Variants in RTN1 observed in about 807,000 individuals in gnomAD.
RTN1 encodes reticulon-1.
In RTN1, 25 loss-of-function variants were observed where a neutral mutation model predicts 65.5. That is an observed-to-expected ratio of 0.38 (90% CI 0.28 to 0.53). The LOEUF (loss-of-function observed/expected upper bound fraction) is 0.53. Among genes scored for constraint, RTN1 ranks in the 20% least tolerant of loss-of-function variants. The pLI is 0.79. For missense variants in RTN1, 983 were observed against 1,025.4 expected, an observed-to-expected ratio of 0.96 and a Z score of 0.57; for synonymous variants, 471 against 447.6, an observed-to-expected ratio of 1.05 and a Z score of -0.66.
intron 3 of RTN1, among the ~76,000 whole-genome samples, chr14:59,666,561 G>A (rs900019525): frequency 2.6e-5 from 4 of 151,980 alleles, no homozygotes; most frequent in Admixed American, 6.6e-5. Context: ...AAATTCAAAA[G>A]CTAGCAGAAG....
intron 1 of RTN1, among the ~76,000 whole-genome samples, chr14:59,865,079 G>C (rs1043659189): frequency 3.3e-5 from 5 of 152,088 alleles, no homozygotes; most frequent in South Asian, 2.1e-4. Context: ...CTGAAAAAGA[G>C]GGAAATAATG....
At chr14:59,676,539 T>C (rs948549092) in intron 3 of RTN1, among the ~76,000 whole-genome samples, 2 of 152,224 alleles carry the variant, frequency 1.3e-5, no homozygotes, top group East Asian at 3.9e-4. Flanking sequence ...ACCTAATCGA[T>C]GATTGGAAAA....
chr14:59,741,591 G>T (rs1885118137), intron 2 of RTN1, among the ~76,000 whole-genome samples: 1 of 152,138 alleles, frequency 6.6e-6, no homozygotes, highest in Non-Finnish European at 1.5e-5. Context: ...ATAGATGAAA[G>T]AATAAATGAT....
At chr14:59,629,748 T>G (rs139896763) in intron 3 of RTN1, among the ~76,000 whole-genome samples, 103 of 152,300 alleles carry the variant, frequency 6.8e-4, no homozygotes, top group Non-Finnish European at 1.0e-3. Context: ...TATGGACTAT[T>G]CCAAAATAAA....
chr14:59,684,723 T>A (rs773791765), intron 3 of RTN1, among the ~76,000 whole-genome samples: 1 of 152,096 alleles, frequency 6.6e-6, no homozygotes, highest in Non-Finnish European at 1.5e-5. Flanking sequence ...ATGGGGTACT[T>A]GAGCAATAAA....
rs565006797 is a variant in RTN1, at chr14:59,615,167, C to T, written c.1766-7675G>A. 5.3e-5 allele frequency among the ~76,000 whole-genome samples: 8 copies of T among 152,100 alleles called. No homozygotes were observed. The East Asian group carries it at 7.7e-4, about 15-fold the overall frequency. The stretch of plus-strand genomic sequence containing the variant: ...TTTCCTTAGGTTAAAACATTAAAAG[C>T]GGCTGGGCATGGCGGCTCATGCCTG... On this transcript the variant is annotated intron_variant, in intron 3 of 8. Transcript: ENST00000267484.
intron 2 of RTN1, among the ~76,000 whole-genome samples, chr14:59,744,247 C>A (rs1281704500): frequency 1.3e-5 from 2 of 152,190 alleles, no homozygotes; most frequent in Non-Finnish European, 2.9e-5. Flanking sequence ...GCTCTTTCAC[C>A]TGAGGTGCAT....
In RTN1 at chr14:59,825,777, C is replaced by T. The variant is rs964487357; in HGVS notation, c.241+44613G>A. 6.6e-6 allele frequency among the ~76,000 whole-genome samples: 1 copy of T among 152,294 alleles called. No homozygotes were observed. Among genetic ancestry groups the T allele is most frequent in the East Asian group, 1.9e-4 (1 of 5,176 alleles). On this transcript the variant is annotated intron_variant, in intron 1 of 8. Transcript: ENST00000267484. The surrounding 1 kb of genome is among the most constrained non-coding windows in gnomAD (Gnocchi z 4.2). ...CATTTTAGAGAAAATAAAACATAGACCTCGGGTATGCCATAGAAACTAAAT... is the reference window on the plus strand; with the variant it reads ...CATTTTAGAGAAAATAAAACATAGATCTCGGGTATGCCATAGAAACTAAAT...
chr14:59,843,585 G>A lies in RTN1; in HGVS notation c.241+26805C>T, dbSNP rs1887353414. 2.0e-5 allele frequency among the ~76,000 whole-genome samples: 3 copies of A among 152,148 alleles called. No individual in the cohort carries two copies. The South Asian group carries it at 6.2e-4, about 32-fold the overall frequency. On this transcript the variant is annotated intron_variant, in intron 1 of 8. Coordinates refer to ENST00000267484, the MANE Select transcript of RTN1 (RefSeq NM_021136.3). The stretch of plus-strand genomic sequence containing the variant: ...ACTTATATACCTGTTACTAACATCT[G>A]CTAAGCACGTGTAACTGCACACACT...
Position 59,825,036 on chromosome 14 carries a change from C to T in RTN1, c.241+45354G>A, listed in dbSNP as rs1485600337. 1.3e-5 allele frequency among the ~76,000 whole-genome samples: 2 copies of T among 152,138 alleles called. No individual in the cohort carries two copies. Among genetic ancestry groups the T allele is most frequent in the Non-Finnish European group, 2.9e-5 (2 of 68,008 alleles). ...GTCAAAGGGTAAAAACTTTCAGTTACAAGATAAATAAGTTCTGGAAATCTA... is the reference window on the plus strand; with the variant it reads ...GTCAAAGGGTAAAAACTTTCAGTTATAAGATAAATAAGTTCTGGAAATCTA... On this transcript the variant is annotated intron_variant, in intron 1 of 8. Coordinates refer to ENST00000267484, the MANE Select transcript of RTN1 (RefSeq NM_021136.3). This position sits in a 1 kb window ranked among gnomAD's most constrained non-coding sequence, Gnocchi z 4.2.
Position 59,596,649 on chromosome 14 carries a change from G to T in RTN1, c.*96C>A, listed in dbSNP as rs200648947. On this transcript the variant is annotated 3_prime_UTR_variant, in exon 9 of 9. Transcript: ENST00000267484. The stretch of plus-strand genomic sequence containing the variant: ...TCTAAGATTATGGTACTGGAGGGAG[G>T]GGGGAAAGACAATCAATTTGCAGTA... 4 of 939,950 alleles carry T rather than the reference G, an allele frequency of 4.3e-6. No individual in the cohort carries two copies. Among genetic ancestry groups the T allele is most frequent in the Admixed American group, 3.4e-5 (2 of 58,450 alleles). 58.2% of individuals were successfully genotyped at this position (939,950 alleles called of 1,614,324 possible).
At chr14:59,670,246 T>G (rs1030253959) in intron 3 of RTN1, among the ~76,000 whole-genome samples, 18 of 152,306 alleles carry the variant, frequency 1.2e-4, no homozygotes, top group African/African-American at 3.9e-4. Flanking sequence ...AGAATTAGAT[T>G]TAAAATAATG....
At chr14:59,848,126 CA>C (rs1887441484) in intron 1 of RTN1, among the ~76,000 whole-genome samples, 1 of 152,182 alleles carries the variant, frequency 6.6e-6, no homozygotes, top group African/African-American at 2.4e-5. Flanking sequence ...TTCCTCTCCA[CA>C]AACTAATGAA....
At chr14:59,600,261 GGAT>G (rs534945811) in intron 8 of RTN1, among the ~76,000 whole-genome samples, 1 of 151,806 alleles carries the variant, frequency 6.6e-6, no homozygotes, top group Non-Finnish European at 1.5e-5. Flanking sequence ...AGCAGTAATC[GGAT>G]GATGATGATG....
intron 1 of RTN1, among the ~76,000 whole-genome samples, chr14:59,865,814 C>T (rs1194886136): frequency 1.3e-5 from 2 of 152,138 alleles, no homozygotes; most frequent in African/African-American, 2.4e-5. Context: ...CTGAAATAAT[C>T]TAATTGTTGA....
rs774507823 is a variant in RTN1, at chr14:59,870,440, C to T, written c.191G>A (p.Gly64Asp). The T allele has an allele frequency of 2.0e-6, 3 of 1,515,568 alleles. No individual in the cohort carries two copies. Among genetic ancestry groups the T allele is most frequent in the Non-Finnish European group, 2.6e-6 (3 of 1,143,308 alleles). The allele number at this position is 1,515,568 out of a possible 1,614,324, so 93.9% of individuals were successfully genotyped here. A position where few individuals can be genotyped will look rare whatever the true frequency, so the allele number is the denominator to read the frequency against. ...RAREAASREA[G>D]SGPARQSPVA... ...GGGCGACTGCCGGGCGGGGCCCGAG[C>T]CGGCTTCCCGCGACGCCGCTTCCCG... Residue 64 changes from glycine to aspartate, a missense_variant, in exon 1 of 9, where the codon GGC becomes GAC. This residue lies in a region of RTN1 where 818 missense variants were observed against 801.8 expected (regional missense o/e 1.02). Coordinates refer to ENST00000267484, the MANE Select transcript of RTN1 (RefSeq NM_021136.3). This position sits in a 1 kb window ranked among gnomAD's most constrained non-coding sequence, Gnocchi z 5.1.
At chr14:59,667,260 C>A (rs1298162322) in intron 3 of RTN1, among the ~76,000 whole-genome samples, 4 of 152,118 alleles carry the variant, frequency 2.6e-5, no homozygotes, top group African/African-American at 9.7e-5. Flanking sequence ...GCTTATCCAC[C>A]ACGATCAAGT....
chr14:59,771,889 T>A (rs1885965638), intron 1 of RTN1, among the ~76,000 whole-genome samples: 1 of 152,244 alleles, frequency 6.6e-6, no homozygotes, highest in African/African-American at 2.4e-5. Context: ...TTAAGAGTTA[T>A]TAGACAATTA....
At chr14:59,749,954 T>TTA (rs1417072039) in intron 1 of RTN1, among the ~76,000 whole-genome samples, 19 of 110,418 alleles carry the variant, frequency 1.7e-4, no homozygotes, top group African/African-American at 5.5e-4. Context: ...TATTTATATG[T>TTA]TATATATATA....
Sources: allele counts gnomAD v4.1 joint callset (sites outside exome capture counted in the v4.1 genomes callset), GRCh38; gene constraint gnomAD v4.1.1; regional missense constraint gnomAD v4.1.1; non-coding constraint Gnocchi (gnomAD v3.1); transcripts MANE v1.5; gene names NCBI Gene and HGNC (gene_info 2026-07-23, HGNC 2026-07-21).